CABCOCO1: variants seen among roughly 807,000 people sequenced by gnomAD.
The protein encoded by CABCOCO1 is ciliary-associated calcium-binding coiled-coil protein 1.
CABCOCO1 carries 28 observed loss-of-function variants against 35.7 expected under a neutral mutation model. The observed-to-expected ratio is 0.78, with a 90% confidence interval of 0.58 to 1.07. CABCOCO1 has a LOEUF of 1.07. Among genes scored for constraint, CABCOCO1 ranks in the 50% least tolerant of loss-of-function variants. CABCOCO1 has a pLI of 0.00. For missense variants in CABCOCO1, 326 were observed against 309.2 expected, an observed-to-expected ratio of 1.05 and a Z score of -0.41; for synonymous variants, 95 against 100.1, an observed-to-expected ratio of 0.95 and a Z score of 0.30.
chr10:61,726,039 G>C (rs1463187458), intron 5 of CABCOCO1, among the ~76,000 whole-genome samples: 2 of 152,170 alleles, frequency 1.3e-5, no homozygotes, highest in East Asian at 3.9e-4. Context: ...CTCTCATACT[G>C]TTTGTGGAAT....
intron 5 of CABCOCO1, among the ~76,000 whole-genome samples, chr10:61,747,259 A>C (rs527396548): frequency 6.6e-6 from 1 of 152,280 alleles, no homozygotes; most frequent in East Asian, 1.9e-4. Flanking sequence ...TTGGTGTGGT[A>C]ATATTACCTT....
At chr10:61,734,243 ACTT>A (rs748403559) in intron 5 of CABCOCO1, among the ~76,000 whole-genome samples, 2 of 151,998 alleles carry the variant, frequency 1.3e-5, no homozygotes, top group African/African-American at 4.8e-5. Flanking sequence ...ATGCCCTGAG[ACTT>A]CTTTACACAG....
chr10:61,739,131 C>T (rs1248374922), intron 5 of CABCOCO1, among the ~76,000 whole-genome samples: 1 of 152,130 alleles, frequency 6.6e-6, no homozygotes, highest in Non-Finnish European at 1.5e-5. Context: ...TCTGAATTTT[C>T]TCAAGGATAG....
At chr10:61,663,637 G>A (rs1413728323) in intron 1 of CABCOCO1, among the ~76,000 whole-genome samples, 1 of 152,058 alleles carries the variant, frequency 6.6e-6, no homozygotes, top group Non-Finnish European at 1.5e-5. Flanking sequence ...GGCTTTAGTT[G>A]CTCATCAGCT....
intron 4 of CABCOCO1, among the ~76,000 whole-genome samples, chr10:61,688,535 T>A (rs1410024477): frequency 6.6e-6 from 1 of 152,190 alleles, no homozygotes; most frequent in Non-Finnish European, 1.5e-5. Flanking sequence ...CAAATATAAA[T>A]ACTTCTGCAG....
intron 2 of CABCOCO1, among the ~76,000 whole-genome samples, chr10:61,677,244 T>C (rs1414949117): frequency 2.0e-5 from 3 of 152,126 alleles, no homozygotes; most frequent in Non-Finnish European, 4.4e-5. Context: ...TATCTCACCA[T>C]GGCCAATATA....
Position 61,663,010 on chromosome 10 carries a change from C to CAGGGCCGACCCCGGT in CABCOCO1, c.38_39insAGGGCCGACCCCGGT (p.Gly14_Thr15insProThrProValGly), listed in dbSNP as rs11269470. ...ACGACTCCCTGGGGGCCGACCCCGG[C>CAGGGCCGACCCCGGT]GGGAACCACGCCCGAATCGGAGGTA... On this transcript the variant is annotated inframe_insertion, in exon 1 of 8. Coordinates refer to ENST00000648843, the MANE Select transcript of CABCOCO1 (RefSeq NM_001366906.2). 3 of 337,398 alleles carry CAGGGCCGACCCCGGT rather than the reference C, an allele frequency of 8.9e-6. No homozygotes were observed. Among genetic ancestry groups the CAGGGCCGACCCCGGT allele is most frequent in the African/African-American group, 2.3e-5 (1 of 43,574 alleles). 20.9% of individuals were successfully genotyped at this position (337,398 alleles called of 1,614,324 possible).
intron 5 of CABCOCO1, among the ~76,000 whole-genome samples, chr10:61,730,932 T>C (rs990284640): frequency 6.6e-5 from 10 of 151,212 alleles, no homozygotes; most frequent in African/African-American, 2.4e-4. Context: ...TCAAGAAAAA[T>C]AAGGAAAGGC....
intron 5 of CABCOCO1, among the ~76,000 whole-genome samples, chr10:61,738,851 C>T (rs999096078): frequency 6.6e-6 from 1 of 152,186 alleles, no homozygotes; most frequent in African/African-American, 2.4e-5. Flanking sequence ...AACAAAGACA[C>T]TCATAATTTA....
chr10:61,671,274 C>T (rs1472333169), intron 1 of CABCOCO1, among the ~76,000 whole-genome samples: 1 of 151,532 alleles, frequency 6.6e-6, no homozygotes. Flanking sequence ...TGCAGTGAGC[C>T]GAGATCAGCC....
chr10:61,710,255 TG>T (rs1272393881), intron 5 of CABCOCO1, among the ~76,000 whole-genome samples: 94 of 474 alleles, frequency 0.2, no homozygotes, highest in Non-Finnish European at 0.26. Flanking sequence ...TGTGTGTGAG[TG>T]TGTGTGTGTG....
Position 61,712,875 on chromosome 10 carries a change from C to T in CABCOCO1, c.552+22254C>T, listed in dbSNP as rs183276501. Among the ~76,000 whole-genome samples the T allele has an allele frequency of 1.1e-3, 174 of 152,094 alleles. 1 individual carries two copies. The highest frequency in any genetic ancestry group is 3.9e-3 in the African/African-American group (164 of 41,538). On this transcript the variant is annotated intron_variant, in intron 5 of 7. Coordinates refer to ENST00000648843, the MANE Select transcript of CABCOCO1 (RefSeq NM_001366906.2). ...TTCCACTGGTCTATATCTCTGTTTT[C>T]GTACCAGTACCATGCTGTTTTGGTT...
At chr10:61,699,648 T>C (rs754091983) in intron 5 of CABCOCO1, among the ~76,000 whole-genome samples, 1 of 151,932 alleles carries the variant, frequency 6.6e-6, no homozygotes, top group African/African-American at 2.4e-5. Flanking sequence ...GACACTTTTC[T>C]TACAGAAAAA....
intron 7 of CABCOCO1, among the ~76,000 whole-genome samples, chr10:61,761,497 G>A (rs1215239645): frequency 6.6e-6 from 1 of 152,042 alleles, no homozygotes; most frequent in Admixed American, 6.6e-5. Flanking sequence ...GATGGCAGCA[G>A]CCGTATGAAT....
chr10:61,732,916 GC>G (rs1841336814), intron 5 of CABCOCO1, among the ~76,000 whole-genome samples: 1 of 151,970 alleles, frequency 6.6e-6, no homozygotes, highest in African/African-American at 2.4e-5. Context: ...CTTAATCTTG[GC>G]CAAATCTTGA....
intron 5 of CABCOCO1, among the ~76,000 whole-genome samples, chr10:61,751,651 C>G (rs757323059): frequency 1.1e-4 from 14 of 129,850 alleles, no homozygotes; most frequent in Non-Finnish European, 2.2e-4. Flanking sequence ...CTGAAAAATA[C>G]TGAATCTGGG....
chr10:61,764,526 G>T (rs1842069464), intron 7 of CABCOCO1, among the ~76,000 whole-genome samples: 1 of 152,026 alleles, frequency 6.6e-6, no homozygotes, highest in Admixed American at 6.6e-5. Context: ...GTGGTGAAAT[G>T]ACTTACCTAA....
At chr10:61,715,944 T>G (rs1266212052) in intron 5 of CABCOCO1, among the ~76,000 whole-genome samples, 1 of 152,142 alleles carries the variant, frequency 6.6e-6, no homozygotes, top group Non-Finnish European at 1.5e-5. Flanking sequence ...GCCCTTAACA[T>G]TTTTTCCTTC....
intron 2 of CABCOCO1, among the ~76,000 whole-genome samples, chr10:61,679,085 C>T (rs1163782486): frequency 2.6e-5 from 4 of 152,036 alleles, no homozygotes; most frequent in African/African-American, 9.7e-5. Flanking sequence ...AAAAAGTTGT[C>T]ACACACATAT....
Sources: allele counts gnomAD v4.1 joint callset (sites outside exome capture counted in the v4.1 genomes callset), GRCh38; gene constraint gnomAD v4.1.1; transcripts MANE v1.5; gene names NCBI Gene and HGNC (gene_info 2026-07-23, HGNC 2026-07-21).